Variants in PDE2A observed in about 807,000 individuals in gnomAD.
PDE2A encodes phosphodiesterase 2A, also known as cGMP-dependent 3',5'-cyclic phosphodiesterase.
A neutral mutation model predicts 133.6 loss-of-function variants in PDE2A; 53 were observed. The ratio of observed to expected loss-of-function variants is 0.40; its 90% CI spans 0.32 to 0.50. The LOEUF is 0.50. Ranked by LOEUF, PDE2A falls within the 20% of genes least tolerant of loss-of-function variation. The pLI, the probability that PDE2A is intolerant of heterozygous loss-of-function variation, is 0.73. For missense variants in PDE2A, 796 were observed against 1,232.4 expected (o/e 0.65, Z 5.30); for synonymous variants, 491 against 490.2 (o/e 1.00, Z -0.02).
chr11:72,600,555 C>T (rs1263311825), intron 4 of PDE2A, among the ~76,000 whole-genome samples: 2 of 152,146 alleles, frequency 1.3e-5, no homozygotes, highest in East Asian at 1.9e-4. Flanking sequence ...TCCAAAGATG[C>T]CCACAGACTG....
chr11:72,641,616 G>A (rs1858955035), intron 2 of PDE2A, among the ~76,000 whole-genome samples: 1 of 152,164 alleles, frequency 6.6e-6, no homozygotes, highest in African/African-American at 2.4e-5. Context: ...AAGAGGAGGG[G>A]CCCCCCACGA....
At chr11:72,631,062 T>G in intron 2 of PDE2A, 1 of 1,053,448 alleles carries the variant, frequency 9.5e-7, no homozygotes, top group Non-Finnish European at 1.3e-6. Flanking sequence ...CACTTCTCCC[T>G]CCACTGAGCT....
In PDE2A at chr11:72,597,642, C is replaced by T; in HGVS notation, c.324-23G>A. 6.7e-7 allele frequency: 1 copy of T among 1,495,912 alleles called. No homozygotes were observed. Among genetic ancestry groups the T allele is most frequent in the Non-Finnish European group, 9.3e-7 (1 of 1,076,438 alleles). 92.7% of individuals were successfully genotyped at this position (1,495,912 alleles called of 1,614,324 possible). A position where few individuals can be genotyped will look rare whatever the true frequency, so the allele number is the denominator to read the frequency against. On this transcript the variant is annotated intron_variant, in intron 4 of 30. Coordinates refer to ENST00000334456, the MANE Select transcript of PDE2A (RefSeq NM_002599.5). The surrounding 1 kb of genome is among the most constrained non-coding windows in gnomAD (Gnocchi z 4.6). The stretch of plus-strand genomic sequence containing the variant: ...TCCCTGAAAAGAGGACATGATGCCA[C>T]CTTGAGAGCCCCCGACTCAGGGAGG...
Position 72,615,531 on chromosome 11 carries a change from G to T in PDE2A, c.145-6780C>A, listed in dbSNP as rs527321829. Among the ~76,000 whole-genome samples the T allele has an allele frequency of 5.3e-5, 8 of 152,216 alleles. No homozygotes were observed. The East Asian group carries it at 1.5e-3, about 29-fold the overall frequency. On this transcript the variant is annotated intron_variant, in intron 2 of 30. Transcript: ENST00000334456. ...GGAGGCAGGAGCTGAGTGTGGGGAG[G>T]GGGAGGATGGCCCTGCAAGGCAGAC...
chr11:72,625,751 G>A (rs751343360), intron 2 of PDE2A, among the ~76,000 whole-genome samples: 5 of 152,194 alleles, frequency 3.3e-5, no homozygotes, highest in Non-Finnish European at 7.3e-5. Flanking sequence ...AGGGGCCTCT[G>A]GCACACCCTT....
chr11:72,635,942 G>A (rs538439786), intron 2 of PDE2A: 18 of 1,164,326 alleles, frequency 1.5e-5, no homozygotes, highest in East Asian at 6.2e-5. Context: ...CGACCTTCCC[G>A]CTCCCCCTCC....
At chr11:72,660,347 C>T (rs1020927634) in intron 1 of PDE2A, among the ~76,000 whole-genome samples, 1 of 152,140 alleles carries the variant, frequency 6.6e-6, no homozygotes, top group Non-Finnish European at 1.5e-5. Context: ...TAAGGAGGGG[C>T]GGGTCACAGA....
rs767255619 is a variant in PDE2A, at chr11:72,590,355, C to T, written c.703+72G>A. On this transcript the variant is annotated intron_variant, in intron 8 of 30. Transcript: ENST00000334456. The surrounding 1 kb of genome is among the most constrained non-coding windows in gnomAD (Gnocchi z 4.8). ...GGCCCGCCGCCGGCTCCCGGGATCG[C>T]CTAACCCGCCCACCTCCCCTCCAAG... 121 of 1,542,254 alleles carry T rather than the reference C, an allele frequency of 7.8e-5. 1 individual carries two copies. Among genetic ancestry groups the T allele is most frequent in the Non-Finnish European group, 1.0e-4 (117 of 1,139,800 alleles).
chr11:72,650,570 A>C (rs1382010510), intron 1 of PDE2A, among the ~76,000 whole-genome samples: 2 of 151,642 alleles, frequency 1.3e-5, no homozygotes, highest in African/African-American at 4.9e-5. Flanking sequence ...ATCCTTCCCC[A>C]ATCTCCTCCC....
chr11:72,616,448 A>G (rs1192563918), intron 2 of PDE2A, among the ~76,000 whole-genome samples: 1 of 152,210 alleles, frequency 6.6e-6, no homozygotes, highest in African/African-American at 2.4e-5. Flanking sequence ...CCAGGTCTCC[A>G]GCATTACCCA....
In PDE2A at chr11:72,642,300, G is replaced by C. The variant is rs1218543945; in HGVS notation, c.98C>G (p.Pro33Arg). ...CTGCGGCGGCGGCGGCGGCTCGTCC[G>C]GCTTGAGGAAGACCTGCTGGCCCCG... ...EPRGQQVFLK[P>R]DEPPPPPQPC... Residue 33 changes from proline to arginine, a missense_variant, in exon 2 of 31, where the codon CCG (proline) becomes CGG (arginine). Transcript: ENST00000334456. 2 of 1,530,942 alleles carry C rather than the reference G, an allele frequency of 1.3e-6. No homozygotes were observed. Among genetic ancestry groups the C allele is most frequent in the Admixed American group, 2.1e-5 (1 of 48,626 alleles). 94.8% of individuals were successfully genotyped at this position (1,530,942 alleles called of 1,614,324 possible).
chr11:72,636,475 C>T (rs1169243022), intron 2 of PDE2A, among the ~76,000 whole-genome samples: 1 of 152,184 alleles, frequency 6.6e-6, no homozygotes, highest in Non-Finnish European at 1.5e-5. Context: ...CTGTAGCAGC[C>T]CTGGGCCGGC....
intron 2 of PDE2A, among the ~76,000 whole-genome samples, chr11:72,624,079 C>A (rs1857925633): frequency 6.6e-6 from 1 of 151,708 alleles, no homozygotes; most frequent in Non-Finnish European, 1.5e-5. Context: ...GCAACCTCTG[C>A]CCCCTGGGTT....
intron 1 of PDE2A, among the ~76,000 whole-genome samples, chr11:72,643,793 C>A (rs1331106940): frequency 2.6e-5 from 4 of 152,200 alleles, no homozygotes. Flanking sequence ...CTTGGCAGAG[C>A]CCGGCCACCC....
At chr11:72,579,122 G>T in intron 27 of PDE2A, 113 bp from the exon 28 acceptor site, 1 of 945,438 alleles carries the variant, frequency 1.1e-6, no homozygotes, top group East Asian at 2.5e-5. Context: ...ACCCTTGATG[G>T]GAGCCAAGGG....
intron 1 of PDE2A, among the ~76,000 whole-genome samples, chr11:72,664,826 G>C (rs1160202693): frequency 4.6e-5 from 7 of 151,552 alleles, no homozygotes. Flanking sequence ...CTTTGTTTGA[G>C]GCAGAGTTTT....
intron 2 of PDE2A, among the ~76,000 whole-genome samples, chr11:72,625,784 C>T (rs1352417254): frequency 6.6e-6 from 1 of 152,222 alleles, no homozygotes; most frequent in African/African-American, 2.4e-5. Flanking sequence ...CACAGACTCC[C>T]CCCAGCAAGG....
At chr11:72,646,549 C>A (rs558743688) in intron 1 of PDE2A, among the ~76,000 whole-genome samples, 1 of 152,156 alleles carries the variant, frequency 6.6e-6, no homozygotes, top group Non-Finnish European at 1.5e-5. Context: ...TAGCCCAGGA[C>A]CCCCCAAAGC....
chr11:72,584,421 C>G (rs1162665820), intron 18 of PDE2A, 108 bp from the exon 19 acceptor site: 1 of 1,279,284 alleles, frequency 7.8e-7, no homozygotes, highest in Admixed American at 2.0e-5. Context: ...ACGTACGTCC[C>G]AGGCATGGAA....
Sources: gnomAD v4.1 joint callset for allele counts (sites outside exome capture counted in the v4.1 genomes callset) on GRCh38, gnomAD v4.1.1 for gene constraint, Gnocchi (gnomAD v3.1) non-coding constraint, MANE v1.5 for transcripts, NCBI Gene and HGNC (gene_info 2026-07-23, HGNC 2026-07-21) for gene names.